Variants in DZIP3 observed in about 807,000 individuals in gnomAD.
DZIP3 encodes E3 ubiquitin-protein ligase DZIP3.
Under a neutral mutation model 162.0 loss-of-function variants are expected in DZIP3, and 118 were observed. The observed-to-expected ratio is 0.73, with a 90% CI of 0.63 to 0.85. The LOEUF (loss-of-function observed/expected upper bound fraction) is 0.85, where lower values mean the gene tolerates loss of function less well. DZIP3 is among the 40% of genes least tolerant of loss of function. The pLI, the probability that DZIP3 is intolerant of heterozygous loss-of-function variation, is 0.00. For missense variants in DZIP3, 1,331 were observed against 1,407.0 expected, an observed-to-expected ratio of 0.95 and a Z score of 0.86; for synonymous variants, 438 against 458.6, an observed-to-expected ratio of 0.96 and a Z score of 0.57.
At chr3:108,594,037 A>G (rs1939574873) in intron 1 of DZIP3, among the ~76,000 whole-genome samples, 1 of 152,126 alleles carries the variant, frequency 6.6e-6, no homozygotes, top group South Asian at 2.1e-4. Flanking sequence ...AGAGCTTTTT[A>G]GCATAATAAT....
intron 4 of DZIP3, among the ~76,000 whole-genome samples, chr3:108,616,206 G>C (rs1377789815): frequency 6.6e-6 from 1 of 151,964 alleles, no homozygotes; most frequent in East Asian, 1.9e-4. Flanking sequence ...GGAGCTTGCA[G>C]TGAGCTGAGA....
At chr3:108,613,423 C>T (rs1940830002) in intron 4 of DZIP3, among the ~76,000 whole-genome samples, 1 of 152,114 alleles carries the variant, frequency 6.6e-6, no homozygotes, top group Non-Finnish European at 1.5e-5. Context: ...GATTGTGTTA[C>T]TTGTTCTTTA....
At chr3:108,629,976 C>A (rs1291182830) in intron 8 of DZIP3, among the ~76,000 whole-genome samples, 2 of 151,942 alleles carry the variant, frequency 1.3e-5, no homozygotes, top group African/African-American at 4.8e-5. Flanking sequence ...ATAAAGTGAT[C>A]TTTGCATATT....
intron 8 of DZIP3, among the ~76,000 whole-genome samples, chr3:108,629,736 C>T (rs1478988391): frequency 2.6e-5 from 4 of 151,662 alleles, no homozygotes; most frequent in Non-Finnish European, 5.9e-5. Flanking sequence ...ATTTCTCAGT[C>T]ATTAGACTAT....
intron 2 of DZIP3, 66 bp downstream of exon 2, chr3:108,605,504 G>A (rs1013698043): frequency 5.4e-5 from 82 of 1,513,434 alleles, no homozygotes; most frequent in Middle Eastern, 1.8e-4. Context: ...ATTTTTCCAC[G>A]GATGGTGGGG....
chr3:108,599,610 C>A (rs945102406), intron 1 of DZIP3, among the ~76,000 whole-genome samples: 11 of 152,168 alleles, frequency 7.2e-5, no homozygotes, highest in African/African-American at 2.7e-4. Context: ...CACAGAACAA[C>A]TGCACAGTGG....
chr3:108,662,483 C>T (rs997958870), intron 21 of DZIP3, among the ~76,000 whole-genome samples: 2 of 152,068 alleles, frequency 1.3e-5, no homozygotes, highest in Non-Finnish European at 2.9e-5. Context: ...ATTGGCTGAA[C>T]AAGTGTGAAA....
At chr3:108,631,049 A>ACTCTCTCTCTCTCTCTCTCTCT (rs1454927812) in intron 8 of DZIP3, among the ~76,000 whole-genome samples, 1 of 55,564 alleles carries the variant, frequency 1.8e-5, no homozygotes, top group Non-Finnish European at 3.3e-5. Flanking sequence ...ACACACACAC[A>ACTCTCTCTCTCTCTCTCTCTCT]CACACACTCT....
chr3:108,654,080 C>A, intron 18 of DZIP3, 65 bp from the exon 19 acceptor site: 2 of 1,530,132 alleles, frequency 1.3e-6, no homozygotes, highest in Non-Finnish European at 1.8e-6. Flanking sequence ...ACTTTGGAAG[C>A]AATAGCTTAG....
chr3:108,692,032 G>A (rs1944717676), intron 32 of DZIP3, among the ~76,000 whole-genome samples: 1 of 151,956 alleles, frequency 6.6e-6, no homozygotes, highest in Admixed American at 6.6e-5. Context: ...GCATAAATAA[G>A]CTCTTTTCTC....
chr3:108,636,041 G>C (rs188521361), intron 10 of DZIP3, among the ~76,000 whole-genome samples: 1 of 151,858 alleles, frequency 6.6e-6, no homozygotes, highest in East Asian at 1.9e-4. Context: ...TAGGGTTTTT[G>C]TAAGAATTAA....
At chr3:108,682,321 C>G (rs1944350075) in intron 26 of DZIP3, among the ~76,000 whole-genome samples, 1 of 151,020 alleles carries the variant, frequency 6.6e-6, no homozygotes, top group African/African-American at 2.5e-5. Context: ...GACACCTGCA[C>G]TCCTATGTTC....
intron 19 of DZIP3, among the ~76,000 whole-genome samples, chr3:108,656,806 G>A (rs1304979651): frequency 2.0e-5 from 3 of 152,176 alleles, no homozygotes; most frequent in Admixed American, 2.0e-4. Context: ...GGACCTGATG[G>A]AGCTGAAAAC....
chr3:108,670,885 T>C (rs757895669), intron 22 of DZIP3, among the ~76,000 whole-genome samples: 8 of 152,078 alleles, frequency 5.3e-5, no homozygotes, highest in Non-Finnish European at 1.2e-4. Context: ...TGATTAATTA[T>C]GTTGAGCATC....
chr3:108,653,507 GTATATATATATATATATATATATATA>G (rs57047978), intron 18 of DZIP3, among the ~76,000 whole-genome samples: 4 of 104,620 alleles, frequency 3.8e-5, no homozygotes, highest in Middle Eastern at 6.1e-3. Flanking sequence ...GTGTGTGTGT[GTATATATATATATATATATATATATA>G]TATATATATG....
Position 108,636,685 on chromosome 3 carries a change from G to T in DZIP3, c.988G>T (p.Val330Leu). ...CATGGTAAGGATGCTGCAATGTGATGTACCTGGAATTGTTAAAATTTTGGT... is the reference window on the plus strand; with the variant it reads ...CATGGTAAGGATGCTGCAATGTGATTTACCTGGAATTGTTAAAATTTTGGT... ...GDMVRMLQCD[V>L]PGIVKILFEV... The change falls in exon 11 of 33, where the codon GTA becomes TTA. Residue 330 changes from valine to leucine, a missense_variant. Physicochemically the swap from Val to Leu is conservative, Grantham distance 32 (BLOSUM62 1). Coordinates refer to ENST00000361582, the MANE Select transcript of DZIP3 (RefSeq NM_014648.4). 6.3e-7 allele frequency: 1 copy of T among 1,581,892 alleles called. No homozygotes were observed. Among genetic ancestry groups the T allele is most frequent in the Non-Finnish European group, 8.5e-7 (1 of 1,169,740 alleles).
In DZIP3 at chr3:108,605,388, T is replaced by C. The variant is rs1160362423; in HGVS notation, c.-19T>C. On this transcript the variant is annotated 5_prime_UTR_variant, in exon 2 of 33. Transcript: ENST00000361582. The stretch of plus-strand genomic sequence containing the variant: ...GGCAAGCAGTGGAATAAGATTTTTG[T>C]AAAGAAACCTTGTGCAGCATGGATT... The C allele has an allele frequency of 1.2e-6, 2 of 1,613,410 alleles. No homozygotes were observed. Among genetic ancestry groups the C allele is most frequent in the Non-Finnish European group, 1.7e-6 (2 of 1,179,702 alleles).
intron 4 of DZIP3, among the ~76,000 whole-genome samples, chr3:108,612,191 A>G (rs955574683): frequency 3.3e-5 from 5 of 152,138 alleles, no homozygotes; most frequent in Admixed American, 6.5e-5. Context: ...CTTTGTGGCA[A>G]TTAACTAGAG....
At chr3:108,681,136 T>A (rs1227486715) in intron 26 of DZIP3, among the ~76,000 whole-genome samples, 1 of 151,602 alleles carries the variant, frequency 6.6e-6, no homozygotes, top group Non-Finnish European at 1.5e-5. Flanking sequence ...AGCATCAGAG[T>A]GAACAGGCAA....
Sources: allele counts gnomAD v4.1 joint callset (sites outside exome capture counted in the v4.1 genomes callset), GRCh38; gene constraint gnomAD v4.1.1; transcripts MANE v1.5; gene names NCBI Gene and HGNC (gene_info 2026-07-23, HGNC 2026-07-21).